The following NCOA1 variants were observed in gnomAD, a reference collection of about 807,000 sequenced individuals.
NCOA1 encodes nuclear receptor coactivator 1.
Under a neutral mutation model 150.9 loss-of-function variants are expected in NCOA1, and 35 were observed. That is an observed-to-expected ratio of 0.23 (90% confidence interval 0.18 to 0.31). The LOEUF (loss-of-function observed/expected upper bound fraction) is 0.31, where lower values mean the gene tolerates loss of function less well. NCOA1 is among the 10% of genes least tolerant of loss of function. The pLI, the probability that NCOA1 is intolerant of heterozygous loss-of-function variation, is 1.00. For missense variants in NCOA1, 1,491 were observed against 1,749.3 expected (o/e 0.85, Z 2.63); for synonymous variants, 590 against 630.0 (o/e 0.94, Z 0.95).
At chr2:24,591,906 A>G (rs1250425828) in intron 3 of NCOA1, among the ~76,000 whole-genome samples, 2 of 152,182 alleles carry the variant, frequency 1.3e-5, no homozygotes, top group African/African-American at 4.8e-5. Flanking sequence ...AAATTAAAAA[A>G]AAGTTTTCTT....
intron 2 of NCOA1, among the ~76,000 whole-genome samples, chr2:24,565,897 C>T (rs114177682): frequency 0.019 from 2,912 of 152,266 alleles, 59 homozygotes; most frequent in African/African-American, 0.05. Context: ...CCAGGGAATG[C>T]AGTGGCCCTC....
chr2:24,702,624 G>A (rs932991969), intron 11 of NCOA1, among the ~76,000 whole-genome samples: 9 of 152,092 alleles, frequency 5.9e-5, no homozygotes, highest in Non-Finnish European at 7.4e-5. Context: ...AAATAAAAGC[G>A]GCTGTCATGT....
chr2:24,647,397 A>G lies in NCOA1; in HGVS notation c.-18+3275A>G, dbSNP rs191891985. Among the ~76,000 whole-genome samples the G allele has an allele frequency of 7.1e-3, 1,086 of 152,286 alleles. 13 individuals are homozygous for G. Among genetic ancestry groups the G allele is most frequent in the African/African-American group, 0.025 (1,022 of 41,550 alleles). On this transcript the variant is annotated intron_variant, in intron 4 of 22. Transcript: ENST00000348332. ...ATGCCTCAGTTTTCTCGTCACTAAC[A>G]TGGATTATAATATTACCTACCTGAT...
intron 19 of NCOA1, among the ~76,000 whole-genome samples, chr2:24,745,789 G>C (rs764972280): frequency 2.6e-5 from 4 of 152,184 alleles, no homozygotes; most frequent in Non-Finnish European, 2.9e-5. Context: ...TCAACTCCAT[G>C]TTCCCTTTTA....
chr2:24,607,573 C>T (rs1401022891), intron 3 of NCOA1, among the ~76,000 whole-genome samples: 4 of 151,798 alleles, frequency 2.6e-5, no homozygotes, highest in Admixed American at 2.6e-4. Flanking sequence ...GCCTGTAGTC[C>T]CAGCTACTCC....
intron 1 of NCOA1, among the ~76,000 whole-genome samples, chr2:24,505,431 G>T (rs544965135): frequency 6.6e-6 from 1 of 151,996 alleles, no homozygotes; most frequent in South Asian, 2.1e-4. Context: ...CACCTGCCTC[G>T]GTCTCCCGAA....
chr2:24,689,057 A>G (rs1572595510), intron 8 of NCOA1, among the ~76,000 whole-genome samples: 1 of 152,252 alleles, frequency 6.6e-6, no homozygotes, highest in South Asian at 2.1e-4. Flanking sequence ...AGATGGCTGT[A>G]GGTGTGCCGC....
chr2:24,620,943 C>A (rs985388210), intron 3 of NCOA1, among the ~76,000 whole-genome samples: 3 of 152,122 alleles, frequency 2.0e-5, no homozygotes, highest in Non-Finnish European at 4.4e-5. Flanking sequence ...GGGTAAGTAT[C>A]TTTCTGTGTT....
chr2:24,502,250 T>C (rs1392288209), intron 1 of NCOA1, among the ~76,000 whole-genome samples: 4 of 152,236 alleles, frequency 2.6e-5, no homozygotes, highest in Admixed American at 2.0e-4. Context: ...GCTTTTGACC[T>C]ATCTTTAGCA....
At chr2:24,709,785 C>T (rs1249930396) in intron 13 of NCOA1, among the ~76,000 whole-genome samples, 1 of 152,154 alleles carries the variant, frequency 6.6e-6, no homozygotes, top group Non-Finnish European at 1.5e-5. Context: ...CCCAAAAATC[C>T]ATCACAATAG....
At chr2:24,553,258 C>T (rs937918005) in intron 1 of NCOA1, among the ~76,000 whole-genome samples, 5 of 150,984 alleles carry the variant, frequency 3.3e-5, no homozygotes, top group Middle Eastern at 3.4e-3. Context: ...CTCACTCTGT[C>T]GCCCAGGCTG....
intron 14 of NCOA1, among the ~76,000 whole-genome samples, chr2:24,724,359 G>T (rs932065832): frequency 2.0e-5 from 3 of 152,172 alleles, no homozygotes; most frequent in African/African-American, 7.2e-5. Context: ...GACAAAGAGA[G>T]AGAGCCTGTG....
At chr2:24,763,324 G>A (rs1161577563) in intron 22 of NCOA1, among the ~76,000 whole-genome samples, 1 of 151,992 alleles carries the variant, frequency 6.6e-6, no homozygotes, top group Non-Finnish European at 1.5e-5. Flanking sequence ...CGGATCACAA[G>A]GTCAGGAGAT....
chr2:24,707,608 A>G lies in NCOA1; in HGVS notation c.2138A>G (p.Asp713Gly). 6.2e-7 allele frequency: 1 copy of G among 1,614,208 alleles called. No individual in the cohort carries two copies. Among genetic ancestry groups the G allele is most frequent in the Non-Finnish European group, 8.5e-7 (1 of 1,180,028 alleles). The change falls in exon 13 of 23, where the codon GAC becomes GGC. Residue 713 changes from aspartate to glycine, a missense_variant. Asp to Gly is a moderately conservative substitution (Grantham distance 94, BLOSUM62 -1). This residue lies in a region of NCOA1 where 703 missense variants were observed against 717.7 expected (regional missense o/e 0.98). Coordinates refer to ENST00000348332, the MANE Select transcript of NCOA1 (RefSeq NM_003743.5). ...TTLSVEPDKK[D>G]SASTSVSVTG... ...TTGTCTGTCGAGCCTGATAAAAAGG[A>G]CAGTGCATCTACTTCTGTGTCAGTG...
chr2:24,738,410 C>A (rs940419775), intron 17 of NCOA1, among the ~76,000 whole-genome samples: 1 of 152,008 alleles, frequency 6.6e-6, no homozygotes, highest in East Asian at 1.9e-4. Context: ...ATGTTTTAAG[C>A]TATACATTGT....
chr2:24,491,445 C>G lies in NCOA1; in HGVS notation c.-553C>G, dbSNP rs1241811977. Among the ~76,000 whole-genome samples the G allele has an allele frequency of 1.8e-4, 6 of 33,718 alleles. No individual in the cohort carries two copies. The highest frequency in any genetic ancestry group is 5.0e-4 in the Admixed American group (1 of 2,010). 22.1% of individuals were successfully genotyped at this position (33,718 alleles called of 152,430 possible). A position where few individuals can be genotyped will look rare whatever the true frequency, so the allele number is the denominator to read the frequency against. ...CTCGAGCGGAGCCTGCGTCAGGTTC[C>G]CTCTGCATCCCCCTGCGGGGGGACC... On this transcript the variant is annotated 5_prime_UTR_variant, in exon 1 of 23. Coordinates refer to ENST00000348332, the MANE Select transcript of NCOA1 (RefSeq NM_003743.5).
chr2:24,582,957 T>C (rs1572448205), intron 2 of NCOA1, among the ~76,000 whole-genome samples: 1 of 152,204 alleles, frequency 6.6e-6, no homozygotes, highest in East Asian at 1.9e-4. Flanking sequence ...CTCCAAATGG[T>C]TTAAGACTTA....
At chr2:24,645,351 A>AT (rs1275512242) in intron 4 of NCOA1, among the ~76,000 whole-genome samples, 1 of 150,980 alleles carries the variant, frequency 6.6e-6, no homozygotes, top group Admixed American at 6.6e-5. Flanking sequence ...AAAAAAAAAA[A>AT]AATTAGCCAG....
At chr2:24,612,514 G>A (rs1011035091) in intron 3 of NCOA1, among the ~76,000 whole-genome samples, 3 of 152,030 alleles carry the variant, frequency 2.0e-5, no homozygotes, top group Non-Finnish European at 2.9e-5. Flanking sequence ...CTCCATCTCA[G>A]GAATGCCAGC....
Sources: gnomAD v4.1 joint callset for allele counts (sites outside exome capture counted in the v4.1 genomes callset) on GRCh38, gnomAD v4.1.1 for gene constraint, gnomAD v4.1.1 regional missense constraint, MANE v1.5 for transcripts, NCBI Gene and HGNC (gene_info 2026-07-23, HGNC 2026-07-21) for gene names.